PACS1: variants seen among roughly 807,000 people sequenced by gnomAD.
PACS1 encodes PACS-1.
A neutral mutation model predicts 115.0 loss-of-function variants in PACS1; 24 were observed. That is an observed-to-expected ratio of 0.21 (90% CI 0.15 to 0.29). PACS1 has a LOEUF of 0.29. Among genes scored for constraint, PACS1 ranks in the 10% least tolerant of loss-of-function variants. The probability of loss-of-function intolerance (pLI) is 1.00; values close to 1 mark genes in which losing one functional copy is unlikely to be tolerated. For missense variants in PACS1, 838 were observed against 1,251.2 expected (o/e 0.67, Z 4.98); for synonymous variants, 453 against 504.5 (o/e 0.90, Z 1.37).
In PACS1 at chr11:66,220,832, C is replaced by T. The variant is rs369938672; in HGVS notation, c.1199+41C>T. 677 of 1,601,164 alleles carry T rather than the reference C, an allele frequency of 4.2e-4. 1 individual carries two copies. Among genetic ancestry groups the T allele is most frequent in the Non-Finnish European group, 5.2e-4 (613 of 1,173,076 alleles). The stretch of plus-strand genomic sequence containing the variant: ...TGTAGCTGGCCTCCAGACTCTCCTT[C>T]CTGGCCATAGCAGTCTCCTGACCCC... On this transcript the variant is annotated intron_variant, in intron 9 of 23. Coordinates refer to ENST00000320580, the MANE Select transcript of PACS1 (RefSeq NM_018026.4).
At chr11:66,183,858 A>G (rs1860058822) in intron 1 of PACS1, among the ~76,000 whole-genome samples, 1 of 152,264 alleles carries the variant, frequency 6.6e-6, no homozygotes, top group Non-Finnish European at 1.5e-5. Flanking sequence ...TTTTCTAGAA[A>G]AGGGGTGGTA....
intron 2 of PACS1, among the ~76,000 whole-genome samples, chr11:66,199,038 G>T (rs539143385): frequency 1.3e-5 from 2 of 152,124 alleles, no homozygotes; most frequent in Non-Finnish European, 2.9e-5. Context: ...AAAAAGGGCC[G>T]GGCGTGGTGG....
intron 1 of PACS1, among the ~76,000 whole-genome samples, chr11:66,122,183 G>C (rs1300616317): frequency 1.3e-5 from 2 of 152,152 alleles, no homozygotes; most frequent in African/African-American, 4.8e-5. Context: ...TACTCTGCCT[G>C]TGCTCTATAA....
chr11:66,134,232 ATTTCTT>A (rs1334094486), intron 1 of PACS1, among the ~76,000 whole-genome samples: 3 of 95,414 alleles, frequency 3.1e-5, no homozygotes, highest in Admixed American at 1.2e-4. Context: ...CGGTGATTAA[ATTTCTT>A]TTTCTTTTTC....
chr11:66,156,820 T>A (rs545665177), intron 1 of PACS1, among the ~76,000 whole-genome samples: 2 of 149,424 alleles, frequency 1.3e-5, no homozygotes, highest in East Asian at 4.0e-4. Context: ...GCCACTGCAC[T>A]CCAGCCTGGG....
At chr11:66,220,182 GC>G in intron 8 of PACS1, 1 of 337,150 alleles carries the variant, frequency 3.0e-6, no homozygotes, top group Non-Finnish European at 5.6e-6. Context: ...TTGTTGGTCA[GC>G]CCTGGAATAA....
intron 1 of PACS1, chr11:66,121,072 GTC>G (rs1565114632): frequency 4.4e-6 from 2 of 456,238 alleles, no homozygotes; most frequent in Admixed American, 4.7e-5. Context: ...CGTTGAGTAA[GTC>G]TGTCGGCACT....
intron 1 of PACS1, among the ~76,000 whole-genome samples, chr11:66,127,015 G>A (rs1278150586): frequency 6.6e-6 from 1 of 152,102 alleles, no homozygotes; most frequent in East Asian, 1.9e-4. Context: ...CTGCAGTGAG[G>A]TTAGGATGTA....
intron 1 of PACS1, among the ~76,000 whole-genome samples, chr11:66,106,257 C>G (rs1443130745): frequency 6.6e-6 from 1 of 151,912 alleles, no homozygotes; most frequent in Non-Finnish European, 1.5e-5. Flanking sequence ...GAGGGAGAAC[C>G]TACAAAAAAT....
At chr11:66,160,547 T>A (rs693382) in intron 1 of PACS1, among the ~76,000 whole-genome samples, 150,009 of 152,104 alleles carry the variant, frequency 0.99, 73,999 homozygotes, top group Middle Eastern at 1. Context: ...GCCAAGATGG[T>A]GTACGGTAGC....
intron 1 of PACS1, among the ~76,000 whole-genome samples, chr11:66,100,361 T>C (rs1219382108): frequency 6.6e-6 from 1 of 152,118 alleles, no homozygotes; most frequent in Non-Finnish European, 1.5e-5. Context: ...TCCTTGTAAC[T>C]GGTCTTTCAC....
At chr11:66,227,389 T>A in intron 10 of PACS1, 115 bp from the exon 11 acceptor site, 1 of 653,236 alleles carries the variant, frequency 1.5e-6, no homozygotes, top group Non-Finnish European at 2.7e-6. Flanking sequence ...GCCCTGAAGA[T>A]TTTATGAGGT....
chr11:66,179,462 C>G (rs1463476571), intron 1 of PACS1, among the ~76,000 whole-genome samples: 1 of 152,168 alleles, frequency 6.6e-6, no homozygotes, highest in Admixed American at 6.5e-5. Flanking sequence ...CAGACGTGAG[C>G]CACTGTGCCA....
At chr11:66,222,942 A>AAC (rs1855385496) in intron 10 of PACS1, among the ~76,000 whole-genome samples, 2 of 151,894 alleles carry the variant, frequency 1.3e-5, no homozygotes, top group South Asian at 4.2e-4. Flanking sequence ...CTGCAGCCCA[A>AAC]ACAGACTCCT....
chr11:66,133,516 T>C (rs1858751868), intron 1 of PACS1, among the ~76,000 whole-genome samples: 1 of 152,174 alleles, frequency 6.6e-6, no homozygotes, highest in South Asian at 2.1e-4. Flanking sequence ...AGAGATGTCA[T>C]TGAAAGATTT....
chr11:66,146,770 G>T (rs1859133351), intron 1 of PACS1, among the ~76,000 whole-genome samples: 3 of 152,128 alleles, frequency 2.0e-5, no homozygotes. Flanking sequence ...AAAGAGGCTG[G>T]GTGTAGTGGC....
At chr11:66,201,622 GAA>G (rs1292645831) in intron 2 of PACS1, among the ~76,000 whole-genome samples, 1 of 138,078 alleles carries the variant, frequency 7.2e-6, no homozygotes, top group Non-Finnish European at 1.6e-5. Flanking sequence ...AAATGAAATT[GAA>G]AAAAAAAAGT....
intron 1 of PACS1, among the ~76,000 whole-genome samples, chr11:66,135,199 CA>C (rs563082814): frequency 2.1e-4 from 30 of 145,786 alleles, no homozygotes; most frequent in East Asian, 7.9e-4. Context: ...GACTCCATCT[CA>C]AAAAAAAAAA....
At chr11:66,159,156 G>A (rs978588557) in intron 1 of PACS1, among the ~76,000 whole-genome samples, 1 of 152,176 alleles carries the variant, frequency 6.6e-6, no homozygotes, top group Non-Finnish European at 1.5e-5. Context: ...GCAGGGTCTC[G>A]GCCGGGCGTG....
Sources: allele counts gnomAD v4.1 joint callset (sites outside exome capture counted in the v4.1 genomes callset), GRCh38; gene constraint gnomAD v4.1.1; transcripts MANE v1.5; gene names NCBI Gene and HGNC (gene_info 2026-07-23, HGNC 2026-07-21).